The following PPP1R7 variants were observed in gnomAD, a reference collection of about 807,000 sequenced individuals.
PPP1R7 encodes protein phosphatase 1 regulatory subunit 22.
A neutral mutation model predicts 45.2 loss-of-function variants in PPP1R7; 18 were observed. That is an observed-to-expected ratio of 0.40 (90% CI 0.28 to 0.59). PPP1R7 has a LOEUF of 0.59. Among genes scored for constraint, PPP1R7 ranks in the 20% least tolerant of loss-of-function variants. PPP1R7 has a pLI of 0.46. For missense variants in PPP1R7, 314 were observed against 455.8 expected, an observed-to-expected ratio of 0.69 and a Z score of 2.83; for synonymous variants, 181 against 183.4, an observed-to-expected ratio of 0.99 and a Z score of 0.11.
rs748964517 is a variant in PPP1R7, at chr2:241,153,476, T to C, written c.53T>C (p.Val18Ala). ...GQQQSQEMMEVDRRVESEESG... is the reference protein window; with the variant it reads ...GQQQSQEMMEADRRVESEESG... ...TTCTCATTGACATGTGTGGGTTCAG[T>C]TGACAGGCGGGTCGAGTCTGAAGAA... The change falls in exon 2 of 10, where the codon GTT (valine) becomes GCT (alanine). Residue 18 changes from valine (V) to alanine (A), a missense_variant and splice_region_variant. Physicochemically the swap from Val to Ala is moderately conservative, Grantham distance 64 (BLOSUM62 0). This residue lies in a region of PPP1R7 where 34 missense variants were observed against 26.0 expected (regional missense o/e 1.31). Coordinates refer to ENST00000234038, the MANE Select transcript of PPP1R7 (RefSeq NM_002712.3). 3 of 1,614,076 alleles carry C rather than the reference T, an allele frequency of 1.9e-6. No homozygotes were observed. The highest frequency in any genetic ancestry group is 1.7e-6 in the Non-Finnish European group (2 of 1,180,028).
intron 6 of PPP1R7, among the ~76,000 whole-genome samples, chr2:241,160,980 A>G (rs898826749): frequency 3.4e-5 from 5 of 145,386 alleles, no homozygotes; most frequent in African/African-American, 1.3e-4. Flanking sequence ...AAGTTTCCCA[A>G]GCCCAGCAAA....
intron 9 of PPP1R7, among the ~76,000 whole-genome samples, chr2:241,173,032 C>T (rs1050487584): frequency 6.6e-6 from 1 of 151,676 alleles, no homozygotes; most frequent in African/African-American, 2.4e-5. Flanking sequence ...TGGCTCACAC[C>T]TGTAATCCCA....
Position 241,182,998 on chromosome 2 carries a change from G to A in PPP1R7, c.*175G>A, listed in dbSNP as rs564728886. ...ACGTCACACACCATTTTCAGATGCC[G>A]TTGCAATTAAATCTTGCCACACTGT... On this transcript the variant is annotated 3_prime_UTR_variant, in exon 10 of 10. Coordinates refer to ENST00000234038, the MANE Select transcript of PPP1R7 (RefSeq NM_002712.3). 133 of 670,220 alleles carry A rather than the reference G, an allele frequency of 2.0e-4. 2 individuals carry two copies. The highest frequency in any genetic ancestry group is 1.0e-3 in the African/African-American group (56 of 55,274). 41.5% of individuals were successfully genotyped at this position (670,220 alleles called of 1,614,324 possible). A position where few individuals can be genotyped will look rare whatever the true frequency, so the allele number is the denominator to read the frequency against.
chr2:241,157,088 C>T (rs2067476594), intron 2 of PPP1R7, among the ~76,000 whole-genome samples: 1 of 152,176 alleles, frequency 6.6e-6, no homozygotes, highest in African/African-American at 2.4e-5. Flanking sequence ...GGGAGAGCAG[C>T]TCTCTCCCTC....
Position 241,160,454 on chromosome 2 carries a change from A to G in PPP1R7, c.557A>G (p.His186Arg), listed in dbSNP as rs199950681. The G allele has an allele frequency of 3.3e-4, 532 of 1,612,140 alleles. 5 individuals carry two copies. In the South Asian group the frequency reaches 5.6e-3, roughly 17 times the overall value. Residue 186 changes from histidine (H) to arginine (R), a missense_variant, in exon 6 of 10, where the codon CAT (histidine) becomes CGT (arginine). Coordinates refer to ENST00000234038, the MANE Select transcript of PPP1R7 (RefSeq NM_002712.3). Reference protein sequence around the residue: ...ISKIENLSNLHQLQMLELGSN... With the variant: ...ISKIENLSNLRQLQMLELGSN... ...AAAATTGAGAACTTAAGCAACTTAC[A>G]TCAACTACAGATGCTAGAGCTGGGA...
In PPP1R7 at chr2:241,153,424, C is replaced by T; in HGVS notation, c.53-52C>T. ...ACAACCGGGTGTTTATTATATGTTC[C>T]TCAAAGTCCCATAAAGTGGATGTGA... On this transcript the variant is annotated intron_variant, in intron 1 of 9. Coordinates refer to ENST00000234038, the MANE Select transcript of PPP1R7 (RefSeq NM_002712.3). 2.5e-6 allele frequency: 4 copies of T among 1,606,442 alleles called. No individual in the cohort carries two copies. In the South Asian group the frequency reaches 3.3e-5, roughly 13 times the overall value.
intron 8 of PPP1R7, 93 bp downstream of exon 8, chr2:241,166,534 C>A: frequency 9.3e-7 from 1 of 1,074,642 alleles, no homozygotes; most frequent in Non-Finnish European, 1.4e-6. Flanking sequence ...CCTCTCGGGC[C>A]GGTGTCAGGA....
At chr2:241,169,965 T>C in intron 9 of PPP1R7, 98 bp downstream of exon 9, 1 of 1,035,046 alleles carries the variant, frequency 9.7e-7, no homozygotes, top group Non-Finnish European at 1.5e-6. Context: ...CCTGTAAGCC[T>C]TCATGCTGAG....
intron 1 of PPP1R7, among the ~76,000 whole-genome samples, chr2:241,150,849 C>T (rs925473801): frequency 6.6e-6 from 1 of 152,034 alleles, no homozygotes; most frequent in Non-Finnish European, 1.5e-5. Flanking sequence ...GTTGGAGCCT[C>T]GCCCCGAGCC....
Position 241,183,500 on chromosome 2 carries a change from C to T in PPP1R7, c.*677C>T, listed in dbSNP as rs1047367590. 4.1e-5 allele frequency: 19 copies of T among 467,418 alleles called. No individual in the cohort carries two copies. Among genetic ancestry groups the T allele is most frequent in the African/African-American group, 3.0e-4 (15 of 49,814 alleles). The allele number at this position is 467,418 out of a possible 1,614,324, so 29.0% of individuals were successfully genotyped here. ...TGGGGAGGGTGTCCTGTGTCCCACA[C>T]GGTGCTGTGCTGCTGCCAGAATACG... On this transcript the variant is annotated 3_prime_UTR_variant, in exon 10 of 10. Coordinates refer to ENST00000234038, the MANE Select transcript of PPP1R7 (RefSeq NM_002712.3).
At chr2:241,171,765 A>C (rs2067821132) in intron 9 of PPP1R7, among the ~76,000 whole-genome samples, 1 of 152,216 alleles carries the variant, frequency 6.6e-6, no homozygotes, top group African/African-American at 2.4e-5. Context: ...TGATGAATTG[A>C]TCCATTTATC....
intron 7 of PPP1R7, among the ~76,000 whole-genome samples, chr2:241,165,009 C>A (rs997480911): frequency 6.6e-6 from 1 of 152,056 alleles, no homozygotes; most frequent in East Asian, 1.9e-4. Flanking sequence ...GGTTGTGCCA[C>A]TGCACTCCAG....
chr2:241,182,985 AT>A lies in PPP1R7; in HGVS notation c.*166del. Reference sequence around the variant, plus strand: ...GCTGGCGCGCGCGACGTCACACACCATTTTCAGATGCCGTTGCAATTAAATC... The same window carrying A: ...GCTGGCGCGCGCGACGTCACACACCATTTCAGATGCCGTTGCAATTAAATC... On this transcript the variant is annotated 3_prime_UTR_variant, in exon 10 of 10. Coordinates refer to ENST00000234038, the MANE Select transcript of PPP1R7 (RefSeq NM_002712.3). 1 of 698,854 alleles carries A rather than the reference AT, an allele frequency of 1.4e-6. No individual in the cohort carries two copies. Among genetic ancestry groups the A allele is most frequent in the South Asian group, 2.0e-5 (1 of 51,008 alleles). The allele number at this position is 698,854 out of a possible 1,614,324, so 43.3% of individuals were successfully genotyped here. A position where few individuals can be genotyped will look rare whatever the true frequency, so the allele number is the denominator to read the frequency against.
At chr2:241,159,865 AAAAATT>A (rs138474417) in intron 5 of PPP1R7, among the ~76,000 whole-genome samples, 3,754 of 152,244 alleles carry the variant, frequency 0.025, 145 homozygotes, top group African/African-American at 0.084. Flanking sequence ...CCCTGTCTAC[AAAAATT>A]AAAATTAAAA....
chr2:241,161,523 G>A (rs1290583168), intron 6 of PPP1R7, among the ~76,000 whole-genome samples: 1 of 152,282 alleles, frequency 6.6e-6, no homozygotes. Context: ...GCAGTGCTGA[G>A]TTGGGCCTTC....
rs373451366 is a variant in PPP1R7, at chr2:241,180,176, A to G, written c.907-2471A>G. On this transcript the variant is annotated intron_variant, in intron 9 of 9. Coordinates refer to ENST00000234038, the MANE Select transcript of PPP1R7 (RefSeq NM_002712.3). ...TCAACTGCCAGTGGTGTTTTGAATC[A>G]TTTTTTAAATAGACTATGCTACAAG... 5.3e-5 allele frequency among the ~76,000 whole-genome samples: 8 copies of G among 152,310 alleles called. No individual in the cohort carries two copies. The East Asian group carries it at 1.3e-3, about 26-fold the overall frequency.
chr2:241,162,966 A>T (rs931160064), intron 6 of PPP1R7, among the ~76,000 whole-genome samples: 3 of 151,734 alleles, frequency 2.0e-5, no homozygotes, highest in Non-Finnish European at 4.4e-5. Flanking sequence ...CACGCCCGAC[A>T]GGGGGACATT....
At position 241,150,489 on chromosome 2, in the gene PPP1R7, A is replaced by C. The variant is rs201071482; in HGVS notation, c.-7A>C. The C allele has an allele frequency of 6.3e-7, 1 of 1,596,926 alleles. No individual in the cohort carries two copies. The highest frequency in any genetic ancestry group is 1.1e-5 in the South Asian group (1 of 89,024). ...GACAGATTCCGGAAAGGGGAAGAGC[A>C]GCCAACATGGCGGCGGAACGCGGCG... On this transcript the variant is annotated 5_prime_UTR_variant, in exon 1 of 10. Transcript: ENST00000234038.
chr2:241,150,422 G>A (rs552025891), upstream of PPP1R7: 2 of 1,305,860 alleles, frequency 1.5e-6, no homozygotes, highest in Non-Finnish European at 2.0e-6. Context: ...TGGCAGGGCC[G>A]GCTCTGAGGC....
Sources: gnomAD v4.1 joint callset for allele counts (sites outside exome capture counted in the v4.1 genomes callset) on GRCh38, gnomAD v4.1.1 for gene constraint, gnomAD v4.1.1 regional missense constraint, MANE v1.5 for transcripts, NCBI Gene and HGNC (gene_info 2026-07-23, HGNC 2026-07-21) for gene names.